Variants in GPR137C observed in about 807,000 individuals in gnomAD.
GPR137C encodes the protein integral membrane protein GPR137C.
A neutral mutation model predicts 43.4 loss-of-function variants in GPR137C; 27 were observed. That is an observed-to-expected ratio of 0.62 (90% confidence interval 0.46 to 0.86). GPR137C has a LOEUF of 0.86. GPR137C is among the 40% of genes least tolerant of loss of function. The probability of loss-of-function intolerance (pLI) is 0.00; values close to 1 mark genes in which losing one functional copy is unlikely to be tolerated. For synonymous variants in GPR137C, 285 were observed against 226.9 expected, an observed-to-expected ratio of 1.26 and a Z score of -2.30; for missense variants, 522 against 534.6, an observed-to-expected ratio of 0.98 and a Z score of 0.23.
chr14:52,601,822 G>A (rs2038929487), intron 3 of GPR137C, among the ~76,000 whole-genome samples: 1 of 151,742 alleles, frequency 6.6e-6, no homozygotes, highest in African/African-American at 2.4e-5. Context: ...GATACCTAGT[G>A]TATTTCTAAG....
chr14:52,637,622 A>G lies in GPR137C; in HGVS notation c.*2507A>G, dbSNP rs1344829534. On this transcript the variant is annotated 3_prime_UTR_variant, in exon 7 of 7. Coordinates refer to ENST00000321662, the MANE Select transcript of GPR137C (RefSeq NM_001099652.2). The stretch of plus-strand genomic sequence containing the variant: ...TAATCAGTTTCAAACTGGTTGTAAA[A>G]GTATAGCTGTGGCCAATGAATGTAT... The G allele has an allele frequency of 6.6e-6, 1 of 152,188 alleles. No individual in the cohort carries two copies. The highest frequency in any genetic ancestry group is 2.4e-5 in the African/African-American group (1 of 41,454). 9.4% of individuals were successfully genotyped at this position (152,188 alleles called of 1,614,324 possible). A position where few individuals can be genotyped will look rare whatever the true frequency, so the allele number is the denominator to read the frequency against.
In GPR137C at chr14:52,637,055, A is replaced by C. The variant is rs903053920; in HGVS notation, c.*1940A>C. 2.6e-5 allele frequency: 4 copies of C among 152,156 alleles called. No individual in the cohort carries two copies. Among genetic ancestry groups the C allele is most frequent in the Non-Finnish European group, 5.9e-5 (4 of 67,990 alleles). 9.4% of individuals were successfully genotyped at this position (152,156 alleles called of 1,614,324 possible). On this transcript the variant is annotated 3_prime_UTR_variant, in exon 7 of 7. Transcript: ENST00000321662. ...ATGTTCCTATTTGACCAAACTAACA[A>C]AGATTACTTTTTAAAAATTTTTCAG...
intron 3 of GPR137C, among the ~76,000 whole-genome samples, chr14:52,625,469 G>A (rs1229789847): frequency 2.3e-5 from 3 of 129,688 alleles, no homozygotes; most frequent in Admixed American, 1.7e-4. Flanking sequence ...GTGACAGAGT[G>A]AGACTCCATC....
intron 1 of GPR137C, among the ~76,000 whole-genome samples, chr14:52,589,118 G>C (rs1401668289): frequency 6.6e-6 from 1 of 152,184 alleles, no homozygotes; most frequent in Non-Finnish European, 1.5e-5. Flanking sequence ...TATGCTAAAT[G>C]AAAGTCACAA....
intron 1 of GPR137C, among the ~76,000 whole-genome samples, chr14:52,583,927 A>C (rs562088182): frequency 8.7e-5 from 13 of 150,156 alleles, no homozygotes; most frequent in Non-Finnish European, 1.3e-4. Context: ...GCTCTTAAAA[A>C]CTGAGCTATT....
chr14:52,567,391 A>G lies in GPR137C; in HGVS notation c.444+13800A>G, dbSNP rs74611867. On this transcript the variant is annotated intron_variant, in intron 1 of 6. Coordinates refer to ENST00000321662, the MANE Select transcript of GPR137C (RefSeq NM_001099652.2). ...GATTTTCCTCTGCCACCTTTCTTAC[A>G]TATAAACTTTAGACAATATGATAAA... 6.2e-3 allele frequency among the ~76,000 whole-genome samples: 943 copies of G among 152,366 alleles called. 11 individuals carry two copies. The highest frequency in any genetic ancestry group is 0.02 in the African/African-American group (836 of 41,588).
At chr14:52,601,467 G>A (rs1305778745) in intron 3 of GPR137C, among the ~76,000 whole-genome samples, 2 of 148,774 alleles carry the variant, frequency 1.3e-5, no homozygotes, top group African/African-American at 2.5e-5. Flanking sequence ...TGGAATGCTG[G>A]GGGAGATATT....
chr14:52,631,125 A>G (rs1314869934), intron 3 of GPR137C, among the ~76,000 whole-genome samples: 3 of 152,200 alleles, frequency 2.0e-5, no homozygotes, highest in African/African-American at 7.2e-5. Context: ...TATTTAAACT[A>G]TGTAAATATA....
chr14:52,628,945 A>G (rs1052756002), intron 3 of GPR137C, among the ~76,000 whole-genome samples: 1 of 152,270 alleles, frequency 6.6e-6, no homozygotes, highest in African/African-American at 2.4e-5. Context: ...TCATTGATTT[A>G]ATAAGACAAC....
At chr14:52,592,249 C>T (rs1281162907) in intron 1 of GPR137C, among the ~76,000 whole-genome samples, 1 of 152,138 alleles carries the variant, frequency 6.6e-6, no homozygotes, top group Non-Finnish European at 1.5e-5. Context: ...AGTTTGAAGT[C>T]AGGTACTGTG....
At position 52,553,298 on chromosome 14, in the gene GPR137C, G is replaced by C. The variant is rs757799057; in HGVS notation, c.151G>C (p.Val51Leu). The C allele has an allele frequency of 8.4e-6, 13 of 1,547,198 alleles. No individual in the cohort carries two copies. The highest frequency in any genetic ancestry group is 1.1e-5 in the Non-Finnish European group (13 of 1,152,558). Residue 51 changes from valine to leucine, a missense_variant, in exon 1 of 7, where the codon GTC becomes CTC. Physicochemically the swap from Val to Leu is conservative, Grantham distance 32. This residue lies in a region of GPR137C where 437 missense variants were observed against 425.7 expected (regional missense o/e 1.03). Coordinates refer to ENST00000321662, the MANE Select transcript of GPR137C (RefSeq NM_001099652.2). Reference protein sequence around the residue: ...VPGSVQLALSVLHALLYAALF... With the variant: ...VPGSVQLALSLLHALLYAALF... ...GGGCTCCGTGCAGTTGGCGCTGAGC[G>C]TCCTGCACGCCCTGCTCTACGCCGC...
At position 52,556,117 on chromosome 14, in the gene GPR137C, C is replaced by G. The variant is rs75312688; in HGVS notation, c.444+2526C>G. Among the ~76,000 whole-genome samples the G allele has an allele frequency of 8.9e-4, 136 of 152,080 alleles. 1 individual carries two copies. The highest frequency in any genetic ancestry group is 1.6e-3 in the Non-Finnish European group (108 of 67,968). ...TGTTTAATTTTTTTAACCAAAAGCC[C>G]CTATAACTTTTTTGAATAGTCGTGT... On this transcript the variant is annotated intron_variant, in intron 1 of 6. Coordinates refer to ENST00000321662, the MANE Select transcript of GPR137C (RefSeq NM_001099652.2).
chr14:52,623,052 T>C (rs1386188832), intron 3 of GPR137C, among the ~76,000 whole-genome samples: 1 of 152,090 alleles, frequency 6.6e-6, no homozygotes, highest in East Asian at 1.9e-4. Flanking sequence ...ATCAGAAAAG[T>C]TATTCAACAC....
intron 3 of GPR137C, chr14:52,611,815 TA>T: frequency 3.8e-6 from 2 of 523,650 alleles, no homozygotes; most frequent in Non-Finnish European, 4.9e-6. Context: ...TAAAGTATAG[TA>T]ATCATGTCCA....
intron 3 of GPR137C, among the ~76,000 whole-genome samples, chr14:52,620,511 C>T (rs906998356): frequency 6.6e-6 from 1 of 151,802 alleles, no homozygotes; most frequent in African/African-American, 2.4e-5. Context: ...AAATATGTCA[C>T]TCACAATGTC....
chr14:52,557,629 G>A (rs1390153343), intron 1 of GPR137C, among the ~76,000 whole-genome samples: 1 of 152,124 alleles, frequency 6.6e-6, no homozygotes, highest in Non-Finnish European at 1.5e-5. Context: ...CTGTGAAGCC[G>A]AAGTTTCAGA....
At chr14:52,600,851 T>C (rs2038915873) in intron 3 of GPR137C, among the ~76,000 whole-genome samples, 1 of 152,218 alleles carries the variant, frequency 6.6e-6, no homozygotes, top group East Asian at 1.9e-4. Flanking sequence ...CTTAAGATTT[T>C]GCACAATAAG....
At chr14:52,611,400 T>C (rs138830641) in intron 3 of GPR137C, 1 of 161,406 alleles carries the variant, frequency 6.2e-6, no homozygotes, top group Non-Finnish European at 1.3e-5. Flanking sequence ...TTAATCTTAT[T>C]AAATTCTTGT....
intron 1 of GPR137C, among the ~76,000 whole-genome samples, chr14:52,597,602 C>T (rs2038871813): frequency 6.6e-6 from 1 of 152,128 alleles, no homozygotes; most frequent in Non-Finnish European, 1.5e-5. Context: ...TAAAAACTTT[C>T]AATATCTTCC....
Sources: allele counts gnomAD v4.1 joint callset (sites outside exome capture counted in the v4.1 genomes callset), GRCh38; gene constraint gnomAD v4.1.1; regional missense constraint gnomAD v4.1.1; transcripts MANE v1.5; gene names NCBI Gene and HGNC (gene_info 2026-07-23, HGNC 2026-07-21).